The following DIS3 variants were observed in gnomAD, a reference collection of about 807,000 sequenced individuals.
The protein encoded by DIS3 is exosome complex exonuclease RRP44.
In DIS3, 103 loss-of-function variants were observed where a neutral mutation model predicts 113.0. That is an observed-to-expected ratio of 0.91 (90% CI 0.78 to 1.07). The LOEUF is 1.07. Among genes scored for constraint, DIS3 ranks in the 50% least tolerant of loss-of-function variants. DIS3 has a pLI of 0.00. For synonymous variants in DIS3, 402 were observed against 394.3 expected, an observed-to-expected ratio of 1.02 and a Z score of -0.23; for missense variants, 1,121 against 1,167.1, an observed-to-expected ratio of 0.96 and a Z score of 0.58.
In DIS3 at chr13:72,775,297, GACTCTTGGGGAGAAGCTCCAC is replaced by G. The variant is rs1380207110; in HGVS notation, c.880_900del (p.Val294_Ser300del). On this transcript the variant is annotated inframe_deletion, in exon 6 of 21. Transcript: ENST00000377767. ...ACCACAGAAGATGGTGCTACCCACT[GACTCTTGGGGAGAAGCTCCAC>G]AGCCACAATATCTTCGTGAACAGCT... 6.2e-7 allele frequency: 1 copy of G among 1,613,560 alleles called. No individual in the cohort carries two copies. Among genetic ancestry groups the G allele is most frequent in the African/African-American group, 1.3e-5 (1 of 74,910 alleles).
rs1173996027 is a variant in DIS3, at chr13:72,758,552, A to G, written c.*1243T>C. On this transcript the variant is annotated 3_prime_UTR_variant, in exon 21 of 21. Coordinates refer to ENST00000377767, the MANE Select transcript of DIS3 (RefSeq NM_014953.5). ...TCACAGAAAAGGTTTTTTGACTCCTACTCTACTGTTTCAGTGTCACTGACC... is the reference window on the plus strand; with the variant it reads ...TCACAGAAAAGGTTTTTTGACTCCTGCTCTACTGTTTCAGTGTCACTGACC... 9.2e-6 allele frequency: 2 copies of G among 217,248 alleles called. No individual in the cohort carries two copies. The highest frequency in any genetic ancestry group is 1.2e-4 in the Admixed American group (2 of 17,212). The allele number at this position is 217,248 out of a possible 1,614,324, so 13.5% of individuals were successfully genotyped here. A position where few individuals can be genotyped will look rare whatever the true frequency, so the allele number is the denominator to read the frequency against.
At chr13:72,763,691 T>A (rs2033683452) in intron 15 of DIS3, 84 bp from the exon 16 acceptor site, 1 of 1,347,424 alleles carries the variant, frequency 7.4e-7, no homozygotes, top group East Asian at 2.5e-5. Context: ...TTACCTTTGT[T>A]ACCAAGAAGA....
chr13:72,755,673 T>G lies in DIS3; in HGVS notation c.*4122A>C. 1 of 390,974 alleles carries G rather than the reference T, an allele frequency of 2.6e-6. No homozygotes were observed. The highest frequency in any genetic ancestry group is 4.5e-6 in the Non-Finnish European group (1 of 221,784). 24.2% of individuals were successfully genotyped at this position (390,974 alleles called of 1,614,324 possible). A position where few individuals can be genotyped will look rare whatever the true frequency, so the allele number is the denominator to read the frequency against. ...AAGAAATCTTAGATATAAAACTAAC[T>G]TTTCAAAGATACAAAAGAAATTAAA... On this transcript the variant is annotated 3_prime_UTR_variant, in exon 21 of 21. Coordinates refer to ENST00000377767, the MANE Select transcript of DIS3 (RefSeq NM_014953.5).
Position 72,772,813 on chromosome 13 carries a change from A to G in DIS3, c.1266T>C (p.Asp422=), listed in dbSNP as rs1593846943. The G allele has an allele frequency of 1.9e-6, 3 of 1,606,394 alleles. No individual in the cohort carries two copies. The highest frequency in any genetic ancestry group is 1.1e-5 in the South Asian group (1 of 89,066). ...PNGHFVRNLG[D]VGEKETETEV... The stretch of plus-strand genomic sequence containing the variant: ...CTGTTTCAGTCTCTTTCTCTCCAAC[A>G]TCACCTAAATTTCTCACAAAGTGTC... Residue 422 remains aspartate, a synonymous_variant, in exon 9 of 21, where the codon GAT becomes GAC. Coordinates refer to ENST00000377767, the MANE Select transcript of DIS3 (RefSeq NM_014953.5).
rs2034231380 is a variant in DIS3, at chr13:72,781,624, G to C, written c.209C>G (p.Thr70Ser). 6.5e-7 allele frequency: 1 copy of C among 1,535,906 alleles called. No homozygotes were observed. Among genetic ancestry groups the C allele is most frequent in the Non-Finnish European group, 8.8e-7 (1 of 1,139,372 alleles). Residue 70 changes from threonine (T) to serine (S), a missense_variant, in exon 1 of 21, where the codon ACT (threonine) becomes AGT (serine). Physicochemically the swap from Thr to Ser is moderately conservative, Grantham distance 58. This residue lies in a region of DIS3 where 254 missense variants were observed against 232.2 expected (regional missense o/e 1.09). Coordinates refer to ENST00000377767, the MANE Select transcript of DIS3 (RefSeq NM_014953.5). ...ACGCACCTGGTGCAGTAACACATTA[G>C]TGTCGGGCAGCAAGTAGTGCGGTTG... ...CPQPHYLLPD[T>S]NVLLHQIDVL... is the part of the protein sequence containing the mutation.
intron 16 of DIS3, among the ~76,000 whole-genome samples, chr13:72,763,126 T>C (rs2033665464): frequency 6.6e-6 from 1 of 151,944 alleles, no homozygotes; most frequent in Non-Finnish European, 1.5e-5. Context: ...AGTGAAAATC[T>C]ACCTCTACCA....
At chr13:72,769,594 G>A (rs151209553) in intron 13 of DIS3, among the ~76,000 whole-genome samples, 55 of 151,964 alleles carry the variant, frequency 3.6e-4, no homozygotes, top group African/African-American at 1.3e-3. Context: ...GGATTCCTGG[G>A]AGAGCCAACT....
chr13:72,766,832 A>T (rs1203127662), intron 14 of DIS3, among the ~76,000 whole-genome samples: 1 of 152,192 alleles, frequency 6.6e-6, no homozygotes, highest in Non-Finnish European at 1.5e-5. Context: ...GGAGAAGGAA[A>T]AGAAGGGGAA....
Position 72,772,760 on chromosome 13 carries a change from G to A in DIS3, c.1319C>T (p.Pro440Leu). The A allele has an allele frequency of 6.2e-7, 1 of 1,613,366 alleles. No homozygotes were observed. The highest frequency in any genetic ancestry group is 1.1e-5 in the South Asian group (1 of 90,920). Reference protein sequence around the residue: ...TEVLLLEHDVPHQPFSQAVLS... With the variant: ...TEVLLLEHDVLHQPFSQAVLS... ...AACAGCCTGTGAAAAAGGCTGATGG[G>A]GAACATCGTGTTCAAGTAACAAAAC... is the stretch of plus-strand genomic sequence containing the variant. Residue 440 changes from proline (P) to leucine (L), a missense_variant, in exon 9 of 21, where the codon CCC becomes CTC. Transcript: ENST00000377767.
intron 5 of DIS3, 149 bp from the exon 6 acceptor site, chr13:72,775,524 C>A: frequency 9.9e-7 from 1 of 1,007,468 alleles, no homozygotes; most frequent in South Asian, 2.8e-5. Context: ...TCTATTGTGT[C>A]CCTAATTCCA....
chr13:72,763,074 A>G (rs1429470074), intron 16 of DIS3, among the ~76,000 whole-genome samples: 1 of 151,976 alleles, frequency 6.6e-6, no homozygotes, highest in Admixed American at 6.6e-5. Context: ...GAGATGAGAT[A>G]ATTACTTGAG....
chr13:72,773,290 C>T (rs1001364153), intron 8 of DIS3, among the ~76,000 whole-genome samples: 4 of 152,016 alleles, frequency 2.6e-5, no homozygotes, highest in African/African-American at 9.7e-5. Flanking sequence ...GCCAACACAG[C>T]GAAACCCTAT....
At position 72,770,957 on chromosome 13, in the gene DIS3, G is replaced by T. The variant is rs759251654; in HGVS notation, c.1702C>A (p.His568Asn). The T allele has an allele frequency of 8.1e-6, 13 of 1,600,208 alleles. No individual in the cohort carries two copies. The African/African-American group carries it at 1.6e-4, about 20-fold the overall frequency. ...TTCGTTTTTAAGATTTCAGCATTGT[G>T]ATTCATTTCCCAAATACATGAAAAT... ...LAFSCIWEMN[H>N]NAEILKTKFT... The change falls in exon 13 of 21, where the codon CAC becomes AAC. Residue 568 changes from histidine to asparagine, a missense_variant. This residue lies in a region of DIS3 where 861 missense variants were observed against 915.5 expected (regional missense o/e 0.94). Transcript: ENST00000377767.
At chr13:72,765,212 T>TAGG (rs2033716722) in intron 15 of DIS3, among the ~76,000 whole-genome samples, 1 of 152,018 alleles carries the variant, frequency 6.6e-6, no homozygotes, top group Admixed American at 6.5e-5. Flanking sequence ...CCCTATGAGG[T>TAGG]AGGTGCCATT....
At chr13:72,766,935 T>C (rs2033762908) in intron 14 of DIS3, among the ~76,000 whole-genome samples, 1 of 152,180 alleles carries the variant, frequency 6.6e-6, no homozygotes, top group South Asian at 2.1e-4. Flanking sequence ...AAAAGAACTA[T>C]AGTAGGAACA....
At chr13:72,778,499 C>T in intron 2 of DIS3, 119 bp from the exon 3 acceptor site, 1 of 689,922 alleles carries the variant, frequency 1.4e-6, no homozygotes, top group Non-Finnish European at 2.2e-6. Flanking sequence ...TATCTTTTCT[C>T]TTGAATGTAT....
Position 72,763,469 on chromosome 13 carries a change from A to C in DIS3, c.2109T>G (p.Val703=), listed in dbSNP as rs1291611518. Residue 703 remains valine (V), a synonymous_variant, in exon 16 of 21, where the codon GTT becomes GTG. Transcript: ENST00000377767. The stretch of plus-strand genomic sequence containing the variant: ...ACCTTACCCTTGACCTGGCTGCCTT[A>C]ACAAGAATTTCATAATTTGATGGAG... ...APPPSNYEIL[V]KAARSRNLEI... is the part of the protein sequence containing the mutation. 1 of 1,613,240 alleles carries C rather than the reference A, an allele frequency of 6.2e-7. No homozygotes were observed. The highest frequency in any genetic ancestry group is 1.3e-5 in the African/African-American group (1 of 74,900).
At chr13:72,777,624 G>C in intron 3 of DIS3, 131 bp from the exon 4 acceptor site, 1 of 783,394 alleles carries the variant, frequency 1.3e-6, no homozygotes, top group Middle Eastern at 3.6e-4. Context: ...GTCTCACTCT[G>C]TCTCTCAGGC....
At chr13:72,764,878 G>A (rs2033709061) in intron 15 of DIS3, among the ~76,000 whole-genome samples, 1 of 152,054 alleles carries the variant, frequency 6.6e-6, no homozygotes, top group Non-Finnish European at 1.5e-5. Context: ...TCAACCTGTT[G>A]CTCATAAAAG....
Sources: gnomAD v4.1 joint callset for allele counts (sites outside exome capture counted in the v4.1 genomes callset) on GRCh38, gnomAD v4.1.1 for gene constraint, gnomAD v4.1.1 regional missense constraint, MANE v1.5 for transcripts, NCBI Gene and HGNC (gene_info 2026-07-23, HGNC 2026-07-21) for gene names.